CENPM: variants seen among roughly 807,000 people sequenced by gnomAD.
CENPM encodes the protein centromere protein M.
CENPM carries 14 observed loss-of-function variants against 19.6 expected under a neutral mutation model. That is an observed-to-expected ratio of 0.71 (90% confidence interval 0.47 to 1.11). The LOEUF is 1.11. Among genes scored for constraint, CENPM ranks in the 50% most tolerant of loss-of-function variants. The pLI, the probability that CENPM is intolerant of heterozygous loss-of-function variation, is 0.00. For missense variants in CENPM, 239 were observed against 228.4 expected (o/e 1.05, Z -0.30); for synonymous variants, 114 against 101.5 (o/e 1.12, Z -0.74).
chr22:41,929,623 G>A, the CENPM span, among the ~76,000 whole-genome samples: 1 of 152,178 alleles, frequency 6.6e-6, no homozygotes, highest in Non-Finnish European at 1.5e-5. Context: ...GGCCAGAGAG[G>A]GAGGCCAGCT....
chr22:41,939,449 AG>A (rs2077705626), intron 5 of CENPM, among the ~76,000 whole-genome samples: 1 of 152,174 alleles, frequency 6.6e-6, no homozygotes, highest in Admixed American at 6.5e-5. Context: ...GAGGAAATGA[AG>A]GCTTAACAAG....
chr22:41,943,772 A>T, intron 4 of CENPM, 71 bp from the exon 5 acceptor site: 1 of 1,371,480 alleles, frequency 7.3e-7, no homozygotes, highest in Non-Finnish European at 1.0e-6. Context: ...AGTGCTGGGC[A>T]GAGTCACTCA....
the CENPM span, chr22:41,928,205 G>A: frequency 2.5e-6 from 1 of 405,558 alleles, no homozygotes; most frequent in South Asian, 1.9e-5. This position sits in a 1 kb window ranked among gnomAD's most constrained non-coding sequence, Gnocchi z 4.0. Context: ...TGCAGTGGAG[G>A]GAAGCCCGCC....
downstream of CENPM, among the ~76,000 whole-genome samples, chr22:41,938,367 T>TC (rs1391541705): frequency 2.2e-3 from 312 of 143,762 alleles, 1 homozygote; most frequent in African/African-American, 7.9e-3. Flanking sequence ...GTCTCGCTTT[T>TC]TTTTTTTTTT....
chr22:41,928,696 T>C, the CENPM span, among the ~76,000 whole-genome samples: 8,860 of 151,836 alleles, frequency 0.058, 307 homozygotes, highest in Non-Finnish European at 0.079. This position sits in a 1 kb window ranked among gnomAD's most constrained non-coding sequence, Gnocchi z 4.0. Flanking sequence ...CCACAGGGGA[T>C]GCTGGGAGGG....
At chr22:41,944,979 A>G in intron 4 of CENPM, 2 of 1,355,018 alleles carry the variant, frequency 1.5e-6, no homozygotes, top group South Asian at 1.6e-5. Context: ...CAGATTTGTT[A>G]TGTAGTTAAA....
At chr22:41,942,148 G>A (rs6002551) in intron 5 of CENPM, among the ~76,000 whole-genome samples, 30,494 of 152,122 alleles carry the variant, frequency 0.2, 4,060 homozygotes, top group African/African-American at 0.34. Flanking sequence ...ACAACTCTTC[G>A]AAATGTATCT....
chr22:41,928,663 T>G, the CENPM span, among the ~76,000 whole-genome samples: 4 of 152,090 alleles, frequency 2.6e-5, no homozygotes, highest in South Asian at 8.3e-4. The surrounding 1 kb of genome is among the most constrained non-coding windows in gnomAD (Gnocchi z 4.0). Flanking sequence ...CCTGAGCTGC[T>G]CTGGGGGCAG....
the CENPM span, among the ~76,000 whole-genome samples, chr22:41,929,931 G>A: frequency 2.1e-5 from 3 of 144,888 alleles, no homozygotes; most frequent in Non-Finnish European, 4.5e-5. Flanking sequence ...TTATTTCCCC[G>A]TGGCTTTTTT....
chr22:41,935,238 A>G (rs2077678716), downstream of CENPM, among the ~76,000 whole-genome samples: 1 of 152,096 alleles, frequency 6.6e-6, no homozygotes, highest in Admixed American at 6.5e-5. Flanking sequence ...TGGCAAGGAA[A>G]ATGTGGCACA....
At chr22:41,928,182 AG>A in the CENPM span, 1 of 426,948 alleles carries the variant, frequency 2.3e-6, no homozygotes, top group Non-Finnish European at 4.7e-6. The surrounding 1 kb of genome is among the most constrained non-coding windows in gnomAD (Gnocchi z 4.0). Context: ...CCTATGAGTG[AG>A]GGAACTGTGA....
downstream of CENPM, among the ~76,000 whole-genome samples, chr22:41,934,111 G>T (rs542812956): frequency 6.6e-6 from 1 of 152,306 alleles, no homozygotes; most frequent in East Asian, 1.9e-4. Flanking sequence ...TGTTCCCACT[G>T]CACCACTTCC....
chr22:41,934,863 C>G (rs2081239828), downstream of CENPM, among the ~76,000 whole-genome samples: 1 of 152,212 alleles, frequency 6.6e-6, no homozygotes. Flanking sequence ...ACCTCAGTAC[C>G]AAGCCCCAAT....
chr22:41,946,326 G>A, intron 2 of CENPM, 91 bp downstream of exon 2: 1 of 1,098,686 alleles, frequency 9.1e-7, no homozygotes, highest in Non-Finnish European at 1.3e-6. Flanking sequence ...CCTCAGAGGA[G>A]GGGGCGCTGG....
At chr22:41,938,141 A>ATTTTTT (rs11440934), downstream of CENPM, among the ~76,000 whole-genome samples, 2 of 120,064 alleles carry the variant, frequency 1.7e-5, no homozygotes, top group Admixed American at 9.1e-5. Flanking sequence ...CGCGCCCAGC[A>ATTTTTT]TTTTTTTTTT....
the CENPM span, among the ~76,000 whole-genome samples, chr22:41,931,483 A>G: frequency 6.9e-6 from 1 of 144,130 alleles, no homozygotes; most frequent in Non-Finnish European, 1.5e-5. Context: ...CCATCTCAGA[A>G]AAAAAAAAAA....
chr22:41,946,073 C>T lies in CENPM; in HGVS notation c.138-68G>A, dbSNP rs41277475. ...CCTCATAGCGACCGTTTAAATGCTG[C>T]CCTTCATGTGGAAAGAGGCCGTCAA... is the stretch of plus-strand genomic sequence containing the variant. On this transcript the variant is annotated intron_variant, in intron 2 of 5. Coordinates refer to ENST00000215980, the MANE Select transcript of CENPM (RefSeq NM_024053.5). 9,966 of 1,364,324 alleles carry T rather than the reference C, an allele frequency of 7.3e-3. 46 individuals are homozygous for T. Among genetic ancestry groups the T allele is most frequent in the Admixed American group, 0.011 (552 of 50,438 alleles). 84.5% of individuals were successfully genotyped at this position (1,364,324 alleles called of 1,614,324 possible).
At chr22:41,940,771 T>C (rs1211477948) in intron 5 of CENPM, among the ~76,000 whole-genome samples, 1 of 152,176 alleles carries the variant, frequency 6.6e-6, no homozygotes, top group Non-Finnish European at 1.5e-5. Flanking sequence ...AGTATTTTTT[T>C]AATAAGTCCT....
intron 4 of CENPM, chr22:41,944,661 A>G: frequency 2.0e-6 from 2 of 984,862 alleles, no homozygotes; most frequent in Non-Finnish European, 2.4e-6. Flanking sequence ...TTTCACTGTT[A>G]ATATTACAAA....
Sources: gnomAD v4.1 joint callset for allele counts (sites outside exome capture counted in the v4.1 genomes callset) on GRCh38, gnomAD v4.1.1 for gene constraint, Gnocchi (gnomAD v3.1) non-coding constraint, MANE v1.5 for transcripts, NCBI Gene and HGNC (gene_info 2026-07-23, HGNC 2026-07-21) for gene names.